Variants in PLD5 observed in about 807,000 individuals in gnomAD.
PLD5 encodes phospholipase D family member 5.
PLD5 carries 36 observed loss-of-function variants against 61.1 expected under a neutral mutation model. The observed-to-expected ratio is 0.59, with a 90% confidence interval of 0.45 to 0.78. The LOEUF is 0.78. Among genes scored for constraint, PLD5 ranks in the 30% least tolerant of loss-of-function variants. PLD5 has a pLI of 0.00. For missense variants in PLD5, 515 were observed against 644.4 expected, an observed-to-expected ratio of 0.80 and a Z score of 2.17; for synonymous variants, 243 against 242.8, an observed-to-expected ratio of 1.00 and a Z score of -0.01.
chr1:242,352,681 C>T (rs983171276), intron 1 of PLD5, among the ~76,000 whole-genome samples: 17 of 152,132 alleles, frequency 1.1e-4, no homozygotes, highest in Non-Finnish European at 2.5e-4. Context: ...TGCATAAGTT[C>T]CCTTTTCTCC....
chr1:242,294,502 T>C lies in PLD5; in HGVS notation c.327-5972A>G, dbSNP rs182285086. On this transcript the variant is annotated intron_variant, in intron 2 of 9. Transcript: ENST00000536534. ...AGTGCTGTGTGTGTATGTGTTTTGG[T>C]AAACAGAAGAATCTTTATAAAATAT... Among the ~76,000 whole-genome samples, 275 of 152,294 alleles carry C rather than the reference T, an allele frequency of 1.8e-3. 2 individuals are homozygous for C. Among genetic ancestry groups the C allele is most frequent in the African/African-American group, 6.0e-3 (250 of 41,566 alleles).
At position 242,382,214 on chromosome 1, in the gene PLD5, A is replaced by G. The variant is rs570442848; in HGVS notation, c.190-33972T>C. Among the ~76,000 whole-genome samples the G allele has an allele frequency of 8.6e-5, 13 of 151,890 alleles. No homozygotes were observed. In the East Asian group the frequency reaches 2.3e-3, roughly 27 times the overall value. The stretch of plus-strand genomic sequence containing the variant: ...TCGAGGGTTGTATTTTGGAAGTTTT[A>G]TATGAGATTCCTGTTAATATCCAAT... On this transcript the variant is annotated intron_variant, in intron 1 of 9. Transcript: ENST00000536534.
intron 3 of PLD5, among the ~76,000 whole-genome samples, chr1:242,268,334 G>A (rs1347696159): frequency 6.6e-6 from 1 of 152,084 alleles, no homozygotes; most frequent in Non-Finnish European, 1.5e-5. Flanking sequence ...ATGGTCAGTG[G>A]GCCAGTATTT....
intron 3 of PLD5, among the ~76,000 whole-genome samples, chr1:242,274,523 G>A (rs1674299213): frequency 6.6e-6 from 1 of 152,348 alleles, no homozygotes; most frequent in Admixed American, 6.5e-5. Context: ...GGGAGGCCGA[G>A]GCGGGTGGAT....
At chr1:242,240,190 T>C (rs2149058394) in intron 4 of PLD5, among the ~76,000 whole-genome samples, 1 of 151,908 alleles carries the variant, frequency 6.6e-6, no homozygotes, top group East Asian at 1.9e-4. Context: ...GGTCTTTCCA[T>C]GGCCTCCACT....
At chr1:242,133,582 T>G (rs746650120) in intron 5 of PLD5, among the ~76,000 whole-genome samples, 3 of 152,210 alleles carry the variant, frequency 2.0e-5, no homozygotes, top group South Asian at 2.1e-4. Context: ...CACAGAATAA[T>G]GTCCCTTCAT....
intron 5 of PLD5, among the ~76,000 whole-genome samples, chr1:242,154,217 T>C (rs1358215860): frequency 6.6e-6 from 1 of 152,240 alleles, no homozygotes; most frequent in Non-Finnish European, 1.5e-5. Context: ...TTTGCAGAAG[T>C]TGCTTATCAG....
At position 242,256,010 on chromosome 1, in the gene PLD5, A is replaced by G. The variant is rs1194594340; in HGVS notation, c.607+9327T>C. 1.3e-5 allele frequency among the ~76,000 whole-genome samples: 2 copies of G among 152,256 alleles called. No individual in the cohort carries two copies. Among genetic ancestry groups the G allele is most frequent in the Non-Finnish European group, 2.9e-5 (2 of 68,048 alleles). Reference sequence around the variant, plus strand: ...CCAAATGACCTAAAGATGCCCAGCCAGGGCTTATTAGGTCCCTGTGGCTAT... The same window carrying G: ...CCAAATGACCTAAAGATGCCCAGCCGGGGCTTATTAGGTCCCTGTGGCTAT... On this transcript the variant is annotated intron_variant, in intron 4 of 9. Transcript: ENST00000536534. The surrounding 1 kb of genome is among the most constrained non-coding windows in gnomAD (Gnocchi z 5.7).
At chr1:242,109,826 G>C (rs1458596086) in intron 7 of PLD5, among the ~76,000 whole-genome samples, 1 of 151,920 alleles carries the variant, frequency 6.6e-6, no homozygotes, top group Non-Finnish European at 1.5e-5. Context: ...CTTTCACCTA[G>C]TGTCTGTAAT....
chr1:242,288,276 G>C, intron 3 of PLD5, 86 bp downstream of exon 3: 2 of 1,564,366 alleles, frequency 1.3e-6, no homozygotes, highest in South Asian at 2.4e-5. Context: ...AAATGAGCTT[G>C]AGTTTGAGGA....
intron 5 of PLD5, among the ~76,000 whole-genome samples, chr1:242,162,751 T>A (rs936178227): frequency 1.3e-5 from 2 of 150,106 alleles, no homozygotes; most frequent in African/African-American, 2.5e-5. Flanking sequence ...GTTATAATTT[T>A]AAAAATTTTG....
At chr1:242,169,258 A>G (rs537746566) in intron 5 of PLD5, among the ~76,000 whole-genome samples, 61 of 152,216 alleles carry the variant, frequency 4.0e-4, no homozygotes, top group African/African-American at 1.4e-3. Context: ...CTCACTGGGA[A>G]TGGTTGGACA....
At chr1:242,523,970 C>T (rs1669360505) in intron 1 of PLD5, 118 bp downstream of exon 1, 2 of 1,143,248 alleles carry the variant, frequency 1.7e-6, no homozygotes, top group Admixed American at 2.9e-5. Context: ...AGGACGTCGG[C>T]GCCTGCCAGG....
At chr1:242,166,452 A>G (rs1405790369) in intron 5 of PLD5, among the ~76,000 whole-genome samples, 2 of 152,102 alleles carry the variant, frequency 1.3e-5, no homozygotes, top group African/African-American at 4.8e-5. Context: ...GCCTCTATTT[A>G]CCCATGTTCA....
intron 2 of PLD5, among the ~76,000 whole-genome samples, chr1:242,318,469 G>A (rs1242116303): frequency 2.0e-5 from 3 of 152,282 alleles, no homozygotes; most frequent in Admixed American, 6.5e-5. Flanking sequence ...GAGAGAAGGA[G>A]AGCTCTGTGA....
At chr1:242,403,595 G>A (rs1038268924) in intron 1 of PLD5, among the ~76,000 whole-genome samples, 5 of 151,884 alleles carry the variant, frequency 3.3e-5, no homozygotes, top group Admixed American at 6.6e-5. Context: ...CTCCCCAGTA[G>A]CTGGGATTAC....
At chr1:242,297,528 CCT>C (rs1275087772) in intron 2 of PLD5, among the ~76,000 whole-genome samples, 1 of 151,690 alleles carries the variant, frequency 6.6e-6, no homozygotes, top group Non-Finnish European at 1.5e-5. Context: ...CCTTAGTACC[CCT>C]GAGTAGCTGG....
chr1:242,418,469 G>A (rs1023080499), intron 1 of PLD5, among the ~76,000 whole-genome samples: 4 of 152,144 alleles, frequency 2.6e-5, no homozygotes, highest in Non-Finnish European at 5.9e-5. Flanking sequence ...ACAGGGAGGT[G>A]TTTGGGTGGG....
chr1:242,142,432 A>AAT (rs1664235234), intron 5 of PLD5, among the ~76,000 whole-genome samples: 1 of 152,178 alleles, frequency 6.6e-6, no homozygotes, highest in Admixed American at 6.5e-5. Context: ...GCCTGTACAA[A>AAT]ATATTCCCCT....
Sources: gnomAD v4.1 joint callset for allele counts (sites outside exome capture counted in the v4.1 genomes callset) on GRCh38, gnomAD v4.1.1 for gene constraint, Gnocchi (gnomAD v3.1) non-coding constraint, MANE v1.5 for transcripts, NCBI Gene and HGNC (gene_info 2026-07-23, HGNC 2026-07-21) for gene names.